BNC2: variants seen among roughly 807,000 people sequenced by gnomAD.
BNC2 encodes basonuclin zinc finger protein 2.
BNC2 carries 20 observed loss-of-function variants against 76.3 expected under a neutral mutation model. That is an observed-to-expected ratio of 0.26 (90% CI 0.18 to 0.38). The LOEUF is 0.38. Ranked by LOEUF, BNC2 falls within the 10% of genes least tolerant of loss-of-function variation. The probability of loss-of-function intolerance (pLI) is 1.00; values close to 1 mark genes in which losing one functional copy is unlikely to be tolerated. For synonymous variants in BNC2, 582 were observed against 514.8 expected, an observed-to-expected ratio of 1.13 and a Z score of -1.77; for missense variants, 1,382 against 1,399.8, an observed-to-expected ratio of 0.99 and a Z score of 0.20.
intron 5 of BNC2, among the ~76,000 whole-genome samples, chr9:16,455,617 C>T (rs1174536095): frequency 6.6e-6 from 1 of 152,016 alleles, no homozygotes; most frequent in Non-Finnish European, 1.5e-5. Context: ...ATGGTGAAAC[C>T]CTGTCTCTAC....
intron 6 of BNC2, among the ~76,000 whole-genome samples, chr9:16,426,584 G>T (rs1820808099): frequency 6.6e-6 from 1 of 152,124 alleles, no homozygotes. Context: ...GCTTTATCTA[G>T]AATTCTGTGT....
chr9:16,590,188 T>A (rs1165524231), intron 3 of BNC2, among the ~76,000 whole-genome samples: 1 of 151,694 alleles, frequency 6.6e-6, no homozygotes, highest in Admixed American at 6.6e-5. Flanking sequence ...AAAGAAGAAA[T>A]TTTTTTTTAA....
intron 3 of BNC2, among the ~76,000 whole-genome samples, chr9:16,632,045 G>C (rs528112675): frequency 6.6e-6 from 1 of 152,124 alleles, no homozygotes; most frequent in Admixed American, 6.5e-5. Context: ...GTAAGGGGCA[G>C]GTCCAATCAT....
At chr9:16,628,814 T>C (rs1821074964) in intron 3 of BNC2, among the ~76,000 whole-genome samples, 1 of 152,188 alleles carries the variant, frequency 6.6e-6, no homozygotes, top group South Asian at 2.1e-4. Flanking sequence ...TGAAACAACA[T>C]TCAACTGGAT....
chr9:16,772,240 G>C (rs542685210), intron 1 of BNC2, among the ~76,000 whole-genome samples: 121 of 152,168 alleles, frequency 8.0e-4, no homozygotes, highest in Non-Finnish European at 1.2e-3. Context: ...ATACTGCAGG[G>C]ACCAGGGGTG....
rs145836697 is a variant in BNC2, at chr9:16,586,749, C to T, written c.331-3664G>A. Among the ~76,000 whole-genome samples, 290 of 152,274 alleles carry T rather than the reference C, an allele frequency of 1.9e-3. 1 individual carries two copies. The highest frequency in any genetic ancestry group is 6.4e-3 in the African/African-American group (266 of 41,568). On this transcript the variant is annotated intron_variant, in intron 3 of 6. Transcript: ENST00000380672. ...CCGTCACTGTGGAGCCAGGCACTGC[C>T]TCTTAAGTGGTGGGAAGTGGATGGC...
rs1351539330 is a variant in BNC2 at position 16,481,221 on chromosome 9, T to C, written c.670-43697A>G. On this transcript the variant is annotated intron_variant, in intron 5 of 6. Transcript: ENST00000380672. ...TGTAAACGCACCAATCAGCGCCCTG[T>C]CAAAACAGACTACTCGGCTCTACCA... 2.0e-5 allele frequency among the ~76,000 whole-genome samples: 3 copies of C among 152,044 alleles called. No homozygotes were observed. In the East Asian group the frequency reaches 5.8e-4, roughly 30 times the overall value.
intron 1 of BNC2, among the ~76,000 whole-genome samples, chr9:16,852,472 C>A (rs1336821340): frequency 2.0e-5 from 3 of 152,240 alleles, no homozygotes; most frequent in African/African-American, 7.2e-5. Context: ...TTCACAAGGA[C>A]AATCATATGT....
chr9:16,759,803 C>T (rs922918835), intron 1 of BNC2, among the ~76,000 whole-genome samples: 1 of 151,622 alleles, frequency 6.6e-6, no homozygotes, highest in Non-Finnish European at 1.5e-5. Flanking sequence ...GGCTCACTGC[C>T]TGCTCCGCCT....
chr9:16,696,519 G>A (rs569544771), intron 3 of BNC2, among the ~76,000 whole-genome samples: 3 of 152,152 alleles, frequency 2.0e-5, no homozygotes, highest in African/African-American at 7.2e-5. Flanking sequence ...ATCGTCCCAA[G>A]TGCTCTATGT....
intron 5 of BNC2, among the ~76,000 whole-genome samples, chr9:16,504,320 A>C (rs1359433404): frequency 4.6e-5 from 7 of 151,426 alleles, no homozygotes; most frequent in Non-Finnish European, 5.9e-5. Context: ...TGTATTCCAG[A>C]ATGAATACAT....
intron 5 of BNC2, among the ~76,000 whole-genome samples, chr9:16,551,974 A>C (rs913880732): frequency 1.3e-5 from 2 of 152,192 alleles, no homozygotes; most frequent in Non-Finnish European, 2.9e-5. Flanking sequence ...TGTGTTTCAG[A>C]AGGTAGAAAT....
intron 1 of BNC2, among the ~76,000 whole-genome samples, chr9:16,863,098 A>G (rs951214224): frequency 2.0e-5 from 3 of 151,904 alleles, no homozygotes; most frequent in Middle Eastern, 6.8e-3. Context: ...TATTTTTAGT[A>G]AAGACGGGGT....
At chr9:16,646,947 C>G (rs889809212) in intron 3 of BNC2, among the ~76,000 whole-genome samples, 7 of 152,090 alleles carry the variant, frequency 4.6e-5, no homozygotes, top group African/African-American at 1.4e-4. Flanking sequence ...ACAGACAGAT[C>G]TGTTTCATTT....
At chr9:16,865,868 T>C (rs1021932660) in intron 1 of BNC2, among the ~76,000 whole-genome samples, 3 of 152,148 alleles carry the variant, frequency 2.0e-5, no homozygotes, top group Admixed American at 6.6e-5. Flanking sequence ...ATACTGAGAA[T>C]ATATTTCAAA....
chr9:16,860,462 C>G (rs1413552046), intron 1 of BNC2, among the ~76,000 whole-genome samples: 1 of 152,192 alleles, frequency 6.6e-6, no homozygotes, highest in Non-Finnish European at 1.5e-5. Flanking sequence ...ACAAATAGTG[C>G]TGGGAACAAC....
chr9:16,589,476 G>A (rs1032390400), intron 3 of BNC2, among the ~76,000 whole-genome samples: 3 of 149,226 alleles, frequency 2.0e-5, no homozygotes, highest in Admixed American at 6.8e-5. Context: ...GTGAGTCATT[G>A]CACCTGGCCT....
chr9:16,811,983 G>C (rs1212675691), intron 1 of BNC2, among the ~76,000 whole-genome samples: 1 of 152,218 alleles, frequency 6.6e-6, no homozygotes, highest in Non-Finnish European at 1.5e-5. Context: ...AGTCATCTCT[G>C]AGTGCTACTG....
At chr9:16,760,637 G>T (rs749940181) in intron 1 of BNC2, among the ~76,000 whole-genome samples, 3 of 152,246 alleles carry the variant, frequency 2.0e-5, no homozygotes, top group African/African-American at 4.8e-5. Context: ...CACCTCCACT[G>T]GTTCTAAGGC....
Sources: allele counts gnomAD v4.1 joint callset (sites outside exome capture counted in the v4.1 genomes callset), GRCh38; gene constraint gnomAD v4.1.1; transcripts MANE v1.5; gene names NCBI Gene and HGNC (gene_info 2026-07-23, HGNC 2026-07-21).